The following DNER variants were observed in gnomAD, a reference collection of about 807,000 sequenced individuals.
The protein encoded by DNER is delta/notch like EGF repeat containing, also known as delta and Notch-like epidermal growth factor-related receptor.
In DNER, 33 loss-of-function variants were observed where a neutral mutation model predicts 78.2. The ratio of observed to expected loss-of-function variants is 0.42; its 90% confidence interval spans 0.32 to 0.56. DNER has a LOEUF of 0.56. DNER is among the 20% of genes least tolerant of loss of function. The pLI is 0.11. For missense variants in DNER, 918 were observed against 975.3 expected, an observed-to-expected ratio of 0.94 and a Z score of 0.78; for synonymous variants, 417 against 384.8, an observed-to-expected ratio of 1.08 and a Z score of -0.98.
chr2:229,542,117 C>T (rs1238972883), intron 5 of DNER, among the ~76,000 whole-genome samples: 2 of 151,840 alleles, frequency 1.3e-5, no homozygotes, highest in East Asian at 1.9e-4. Context: ...AAGGCCTAAA[C>T]CAACCAAGAG....
chr2:229,487,764 T>C (rs1215034667), intron 6 of DNER, among the ~76,000 whole-genome samples: 1 of 152,210 alleles, frequency 6.6e-6, no homozygotes, highest in Non-Finnish European at 1.5e-5. Flanking sequence ...GGAACAGTTC[T>C]TACCTTCAGG....
At chr2:229,370,817 A>G (rs549334600) in intron 11 of DNER, among the ~76,000 whole-genome samples, 1 of 152,332 alleles carries the variant, frequency 6.6e-6, no homozygotes, top group South Asian at 2.1e-4. Context: ...GGAAGATCAC[A>G]TGAGTTCTTG....
chr2:229,578,826 T>C (rs1697346281), intron 4 of DNER, among the ~76,000 whole-genome samples: 1 of 152,132 alleles, frequency 6.6e-6, no homozygotes, highest in African/African-American at 2.4e-5. Context: ...AATAAGAAAA[T>C]AGAGCTTTAC....
chr2:229,547,783 G>A (rs374319385), intron 4 of DNER, among the ~76,000 whole-genome samples: 1 of 152,150 alleles, frequency 6.6e-6, no homozygotes, highest in Non-Finnish European at 1.5e-5. Context: ...TTGACACACC[G>A]TATTTGTCAT....
At position 229,636,792 on chromosome 2, in the gene DNER, T is replaced by C. The variant is rs183804482; in HGVS notation, c.277-44904A>G. On this transcript the variant is annotated intron_variant, in intron 1 of 12. Coordinates refer to ENST00000341772, the MANE Select transcript of DNER (RefSeq NM_139072.4). ...CACATGAATGAGCTAATCAATGGAA[T>C]GTAAGAGGAAGGCACAGGTACCAGA... Among the ~76,000 whole-genome samples the C allele has an allele frequency of 6.6e-5, 10 of 152,220 alleles. No individual in the cohort carries two copies. The East Asian group carries it at 1.9e-3, about 29-fold the overall frequency.
intron 4 of DNER, among the ~76,000 whole-genome samples, chr2:229,567,928 C>A (rs1697142992): frequency 6.6e-6 from 1 of 152,152 alleles, no homozygotes; most frequent in Admixed American, 6.5e-5. Flanking sequence ...ATAGTCAATG[C>A]AGCAAATTAA....
chr2:229,492,690 T>TG (rs1225887024), intron 6 of DNER, among the ~76,000 whole-genome samples: 3 of 152,182 alleles, frequency 2.0e-5, no homozygotes, highest in African/African-American at 7.2e-5. Context: ...ATTTTTGAGA[T>TG]GGGGGTCTCA....
chr2:229,644,337 T>C, intron 1 of DNER, among the ~76,000 whole-genome samples: 1 of 74,542 alleles, frequency 1.3e-5, no homozygotes, highest in Non-Finnish European at 2.6e-5. Flanking sequence ...GCTTTCTCTT[T>C]TTTTTTTTTT....
At chr2:229,485,366 G>C (rs1695248905) in intron 6 of DNER, among the ~76,000 whole-genome samples, 1 of 152,202 alleles carries the variant, frequency 6.6e-6, no homozygotes, top group African/African-American at 2.4e-5. Context: ...CCAGACACTT[G>C]AAGGAAATGC....
chr2:229,668,196 T>C (rs1699128084), intron 1 of DNER, among the ~76,000 whole-genome samples: 1 of 151,986 alleles, frequency 6.6e-6, no homozygotes, highest in Non-Finnish European at 1.5e-5. Context: ...TGTTACCATT[T>C]CAACTGTCTC....
intron 8 of DNER, 54 bp from the exon 9 acceptor site, chr2:229,418,284 G>A (rs986832991): frequency 5.6e-5 from 90 of 1,609,520 alleles, no homozygotes; most frequent in South Asian, 2.3e-4. Flanking sequence ...TACAACCCAC[G>A]CGGGACCAGC....
At chr2:229,382,119 C>G (rs547920676) in intron 11 of DNER, among the ~76,000 whole-genome samples, 1 of 152,178 alleles carries the variant, frequency 6.6e-6, no homozygotes, top group Non-Finnish European at 1.5e-5. Flanking sequence ...GATACCCAGG[C>G]AAATGGTCTG....
chr2:229,454,875 A>ATTATACAATGAGGGAATATG (rs1559356168), intron 7 of DNER, among the ~76,000 whole-genome samples: 2 of 152,146 alleles, frequency 1.3e-5, no homozygotes, highest in African/African-American at 4.8e-5. Context: ...TATACAGTCT[A>ATTATACAATGAGGGAATATG]AAAAAAGAAA....
At chr2:229,444,631 G>A (rs1312365696) in intron 8 of DNER, among the ~76,000 whole-genome samples, 1 of 152,202 alleles carries the variant, frequency 6.6e-6, no homozygotes, top group Non-Finnish European at 1.5e-5. Context: ...GCTCAGGCCT[G>A]TAATCCCAGC....
chr2:229,551,620 G>A (rs147571997), intron 4 of DNER, among the ~76,000 whole-genome samples: 1,565 of 151,606 alleles, frequency 0.01, 19 homozygotes, highest in African/African-American at 0.036. Flanking sequence ...GGCAACAAGA[G>A]TGAAACCCCG....
At chr2:229,672,465 G>A (rs993426015) in intron 1 of DNER, among the ~76,000 whole-genome samples, 1 of 151,568 alleles carries the variant, frequency 6.6e-6, no homozygotes, top group African/African-American at 2.4e-5. Context: ...GAGAAAGAAA[G>A]GGAGGGATGG....
At chr2:229,588,058 T>G (rs1697533319) in intron 3 of DNER, among the ~76,000 whole-genome samples, 1 of 152,170 alleles carries the variant, frequency 6.6e-6, no homozygotes, top group Non-Finnish European at 1.5e-5. Context: ...GATGGTCCAA[T>G]AAAATCTTAA....
chr2:229,485,955 T>G (rs1003105993), intron 6 of DNER, among the ~76,000 whole-genome samples: 7 of 152,274 alleles, frequency 4.6e-5, no homozygotes, highest in African/African-American at 1.7e-4. Flanking sequence ...CTTTTAATAG[T>G]CTGGCCTGTG....
At chr2:229,419,156 G>A (rs1445704367) in intron 8 of DNER, among the ~76,000 whole-genome samples, 1 of 152,062 alleles carries the variant, frequency 6.6e-6, no homozygotes, top group Non-Finnish European at 1.5e-5. Flanking sequence ...TGTGAGTGAA[G>A]AGAAAATAAA....
Sources: gnomAD v4.1 joint callset for allele counts (sites outside exome capture counted in the v4.1 genomes callset) on GRCh38, gnomAD v4.1.1 for gene constraint, MANE v1.5 for transcripts, NCBI Gene and HGNC (gene_info 2026-07-23, HGNC 2026-07-21) for gene names.